Variants in CDA observed in about 807,000 individuals in gnomAD.
CDA encodes the protein cytidine aminohydrolase.
A neutral mutation model predicts 15.0 loss-of-function variants in CDA; 7 were observed. The observed-to-expected ratio is 0.47, with a 90% CI of 0.26 to 0.87. The LOEUF (loss-of-function observed/expected upper bound fraction) is 0.87, where lower values mean the gene tolerates loss of function less well. Ranked by LOEUF, CDA falls within the 40% of genes least tolerant of loss-of-function variation. The probability of loss-of-function intolerance (pLI) is 0.15; values close to 1 mark genes in which losing one functional copy is unlikely to be tolerated. For synonymous variants in CDA, 58 were observed against 73.0 expected (o/e 0.79, Z 1.05); for missense variants, 159 against 182.7 (o/e 0.87, Z 0.75).
chr1:20,615,858 A>AGGCATAGTGTGCACGCCTGT (rs1553143914), intron 3 of CDA, among the ~76,000 whole-genome samples: 3 of 152,112 alleles, frequency 2.0e-5, no homozygotes, highest in African/African-American at 4.8e-5. Context: ...AAAATTAGCA[A>AGGCATAGTGTGCACGCCTGT]GGCATAGTGT....
At chr1:20,590,639 T>C (rs2052539154) in intron 1 of CDA, among the ~76,000 whole-genome samples, 1 of 152,188 alleles carries the variant, frequency 6.6e-6, no homozygotes, top group African/African-American at 2.4e-5. Context: ...GTGTCATCAC[T>C]GTCCACTTAT....
At chr1:20,606,387 C>T (rs540978064) in intron 2 of CDA, among the ~76,000 whole-genome samples, 8 of 151,872 alleles carry the variant, frequency 5.3e-5, no homozygotes, top group Non-Finnish European at 8.8e-5. Flanking sequence ...GACTCCCTTG[C>T]CACCACCCCC....
intron 1 of CDA, among the ~76,000 whole-genome samples, chr1:20,594,580 G>A (rs2052575339): frequency 6.6e-6 from 1 of 152,052 alleles, no homozygotes; most frequent in Admixed American, 6.6e-5. Flanking sequence ...CTGAGATCAG[G>A]AGTTCGAGAC....
At chr1:20,611,647 G>A (rs1435727168) in intron 2 of CDA, among the ~76,000 whole-genome samples, 1 of 152,070 alleles carries the variant, frequency 6.6e-6, no homozygotes, top group African/African-American at 2.4e-5. Flanking sequence ...CCAAAGTGCT[G>A]GGATTATAGG....
At chr1:20,609,284 A>G (rs1274760472) in intron 2 of CDA, among the ~76,000 whole-genome samples, 2 of 152,154 alleles carry the variant, frequency 1.3e-5, no homozygotes, top group African/African-American at 4.8e-5. Flanking sequence ...GGAGATCGAG[A>G]CCATCCTGCC....
At chr1:20,594,758 C>T (rs1477573315) in intron 1 of CDA, among the ~76,000 whole-genome samples, 1 of 147,958 alleles carries the variant, frequency 6.8e-6, no homozygotes, top group Non-Finnish European at 1.5e-5. Context: ...CACTGCACTC[C>T]AGCCTGGGCG....
At chr1:20,589,886 G>T (rs2052533310) in intron 1 of CDA, among the ~76,000 whole-genome samples, 1 of 152,230 alleles carries the variant, frequency 6.6e-6, no homozygotes, top group South Asian at 2.1e-4. Flanking sequence ...AGAAAAGCCA[G>T]CTGGGCTTTC....
chr1:20,598,638 C>G (rs991595777), intron 1 of CDA, among the ~76,000 whole-genome samples: 1 of 152,224 alleles, frequency 6.6e-6, no homozygotes, highest in Admixed American at 6.5e-5. Flanking sequence ...CATTTTCTCA[C>G]TATGCCCTGA....
rs561725271 is a variant in CDA, at chr1:20,618,712, A to G, written c.*144A>G. 4 of 686,440 alleles carry G rather than the reference A, an allele frequency of 5.8e-6. No individual in the cohort carries two copies. The highest frequency in any genetic ancestry group is 5.3e-5 in the African/African-American group (3 of 56,872). The allele number at this position is 686,440 out of a possible 1,614,324, so 42.5% of individuals were successfully genotyped here. A position where few individuals can be genotyped will look rare whatever the true frequency, so the allele number is the denominator to read the frequency against. ...TGTTTCCAGATTACACTCCAGCCTG[A>G]GTCAGCACCCCTCCTAGCAACCTGC... On this transcript the variant is annotated 3_prime_UTR_variant, in exon 4 of 4. Coordinates refer to ENST00000375071, the MANE Select transcript of CDA (RefSeq NM_001785.3).
chr1:20,601,523 A>G (rs1242554304), intron 1 of CDA, among the ~76,000 whole-genome samples: 1 of 152,128 alleles, frequency 6.6e-6, no homozygotes, highest in Non-Finnish European at 1.5e-5. Flanking sequence ...TAGAATTCCA[A>G]ACCAGCCCCC....
intron 2 of CDA, among the ~76,000 whole-genome samples, chr1:20,610,697 G>T (rs1453065639): frequency 6.6e-6 from 1 of 152,200 alleles, no homozygotes; most frequent in Non-Finnish European, 1.5e-5. Context: ...CTAAAATTAT[G>T]ACAGAGCTTA....
intron 2 of CDA, among the ~76,000 whole-genome samples, chr1:20,611,165 A>T (rs1001806782): frequency 6.6e-6 from 1 of 152,192 alleles, no homozygotes; most frequent in Non-Finnish European, 1.5e-5. Flanking sequence ...CTTTGAGGCC[A>T]GGAGGCAGAG....
chr1:20,602,902 T>C (rs979179615), intron 1 of CDA, among the ~76,000 whole-genome samples: 2 of 152,368 alleles, frequency 1.3e-5, no homozygotes, highest in East Asian at 3.9e-4. Context: ...CTGGCTCCCA[T>C]GCCTGGCCCA....
At chr1:20,603,590 G>A (rs2052666923) in intron 1 of CDA, among the ~76,000 whole-genome samples, 3 of 152,178 alleles carry the variant, frequency 2.0e-5, no homozygotes, top group Admixed American at 2.0e-4. Flanking sequence ...GCCACACTGT[G>A]CTGCAAGGGA....
intron 2 of CDA, among the ~76,000 whole-genome samples, chr1:20,605,310 G>A (rs1347029596): frequency 1.3e-5 from 2 of 152,038 alleles, no homozygotes; most frequent in Non-Finnish European, 2.9e-5. Context: ...AACACAACGT[G>A]ATACAGACTC....
intron 2 of CDA, among the ~76,000 whole-genome samples, chr1:20,612,968 T>G (rs1276796281): frequency 6.8e-6 from 1 of 147,216 alleles, no homozygotes; most frequent in African/African-American, 2.5e-5. Context: ...AAAAAGCCTG[T>G]TGGTGGACTC....
chr1:20,593,513 A>G (rs1207776752), intron 1 of CDA, among the ~76,000 whole-genome samples: 1 of 152,162 alleles, frequency 6.6e-6, no homozygotes, highest in East Asian at 1.9e-4. Flanking sequence ...CTTGTCCTGC[A>G]GGTGGGCTTT....
chr1:20,612,874 C>G (rs1402642305), intron 2 of CDA, among the ~76,000 whole-genome samples: 3 of 135,394 alleles, frequency 2.2e-5, no homozygotes, highest in African/African-American at 8.3e-5. Context: ...ACCCGGGAGG[C>G]GGAGGTTTCA....
chr1:20,613,945 C>G (rs374938501), intron 3 of CDA, 46 bp downstream of exon 3: 1 of 1,577,848 alleles, frequency 6.3e-7, no homozygotes, highest in Non-Finnish European at 8.7e-7. Context: ...TCTTCCCTGT[C>G]GCAGGCTATG....
Sources: gnomAD v4.1 joint callset for allele counts (sites outside exome capture counted in the v4.1 genomes callset) on GRCh38, gnomAD v4.1.1 for gene constraint, MANE v1.5 for transcripts, NCBI Gene and HGNC (gene_info 2026-07-23, HGNC 2026-07-21) for gene names.